Variants in ADAMTSL1 observed in about 807,000 individuals in gnomAD.
The protein encoded by ADAMTSL1 is ADAMTS like 1, also known as ADAMTS-like protein 1.
ADAMTSL1 carries 126 observed loss-of-function variants against 201.8 expected under a neutral mutation model. The ratio of observed to expected loss-of-function variants is 0.62; its 90% CI spans 0.54 to 0.72. The LOEUF (loss-of-function observed/expected upper bound fraction) is 0.72. Among genes scored for constraint, ADAMTSL1 ranks in the 30% least tolerant of loss-of-function variants. The probability of loss-of-function intolerance (pLI) is 0.00; values close to 1 mark genes in which losing one functional copy is unlikely to be tolerated. For missense variants in ADAMTSL1, 2,679 were observed against 2,277.8 expected, an observed-to-expected ratio of 1.18 and a Z score of -3.59; for synonymous variants, 1,121 against 903.4, an observed-to-expected ratio of 1.24 and a Z score of -4.32.
intron 2 of ADAMTSL1, among the ~76,000 whole-genome samples, chr9:18,297,570 C>CA (rs1455415194): frequency 1.3e-5 from 2 of 152,134 alleles, no homozygotes; most frequent in Admixed American, 1.3e-4. Context: ...GAATATGTGT[C>CA]AAAAAGGCTC....
At chr9:18,314,706 G>T (rs1029112370) in intron 2 of ADAMTSL1, among the ~76,000 whole-genome samples, 1 of 149,364 alleles carries the variant, frequency 6.7e-6, no homozygotes, top group African/African-American at 2.5e-5. Context: ...GGTTTATCTC[G>T]AAGAGCAAAA....
At chr9:18,851,048 T>A (rs1409153282) in intron 23 of ADAMTSL1, among the ~76,000 whole-genome samples, 2 of 152,264 alleles carry the variant, frequency 1.3e-5, no homozygotes, top group African/African-American at 4.8e-5. Context: ...TCATTCTCTT[T>A]CTCACTGTGG....
intron 2 of ADAMTSL1, among the ~76,000 whole-genome samples, chr9:18,234,961 C>T (rs1830784559): frequency 6.6e-6 from 1 of 152,086 alleles, no homozygotes; most frequent in Admixed American, 6.5e-5. Context: ...TTCCATATAC[C>T]TCACACTGAG....
At chr9:18,232,702 A>T (rs905512483) in intron 2 of ADAMTSL1, among the ~76,000 whole-genome samples, 2 of 152,126 alleles carry the variant, frequency 1.3e-5, no homozygotes, top group African/African-American at 2.4e-5. Flanking sequence ...ATTCTGACAA[A>T]TAGTAAATTT....
At chr9:18,460,290 G>C (rs753693769) in intron 2 of ADAMTSL1, among the ~76,000 whole-genome samples, 1 of 152,110 alleles carries the variant, frequency 6.6e-6, no homozygotes, top group Non-Finnish European at 1.5e-5. Context: ...TATAAATCTT[G>C]TCAAGATTTT....
intron 13 of ADAMTSL1, among the ~76,000 whole-genome samples, chr9:18,703,700 A>T (rs1832058341): frequency 9.6e-6 from 1 of 104,374 alleles, no homozygotes; most frequent in African/African-American, 3.7e-5. Context: ...ATGCGCACAT[A>T]CATATATATA....
chr9:18,494,557 C>G (rs1822434165), intron 1 of ADAMTSL1, among the ~76,000 whole-genome samples: 1 of 152,058 alleles, frequency 6.6e-6, no homozygotes, highest in South Asian at 2.1e-4. Flanking sequence ...CCTCACAGCA[C>G]CTGTGTTACT....
intron 1 of ADAMTSL1, among the ~76,000 whole-genome samples, chr9:18,143,106 G>A (rs943943633): frequency 6.6e-6 from 1 of 152,160 alleles, no homozygotes; most frequent in Non-Finnish European, 1.5e-5. Flanking sequence ...AGTGGAATTT[G>A]TTGGAGTTAA....
Position 18,504,839 on chromosome 9 carries a change from C to A in ADAMTSL1, c.74C>A (p.Thr25Asn). 6.2e-7 allele frequency: 1 copy of A among 1,614,222 alleles called. No homozygotes were observed. The highest frequency in any genetic ancestry group is 8.5e-7 in the Non-Finnish European group (1 of 1,180,048). Residue 25 changes from threonine to asparagine, a missense_variant, in exon 2 of 29, where the codon ACC (threonine) becomes AAC (asparagine). Thr to Asn is a moderately conservative substitution (Grantham distance 65). Transcript: ENST00000380548. ...FLAFLLLSSR[T>N]ARSEEDRDGL... is the part of the protein sequence containing the mutation. ...TTTTGTTTCTCACAGAGTTCCAGGA[C>A]CGCACGCTCCGAGGAGGACCGGGAC...
chr9:18,227,990 C>T (rs949466796), intron 2 of ADAMTSL1, among the ~76,000 whole-genome samples: 6 of 152,166 alleles, frequency 3.9e-5, no homozygotes, highest in African/African-American at 1.4e-4. Context: ...ACCATAGAAG[C>T]ATACTAGGCA....
chr9:18,121,206 C>T (rs187534118), intron 1 of ADAMTSL1, among the ~76,000 whole-genome samples: 8 of 152,224 alleles, frequency 5.3e-5, no homozygotes, highest in African/African-American at 1.9e-4. Context: ...TTCTTTTTCC[C>T]TCACCTAAAA....
At chr9:18,026,364 A>G (rs1198603712) in intron 1 of ADAMTSL1, among the ~76,000 whole-genome samples, 1 of 151,972 alleles carries the variant, frequency 6.6e-6, no homozygotes, top group African/African-American at 2.4e-5. Flanking sequence ...GGCTCATATT[A>G]TTTTGAAGCA....
chr9:17,957,488 G>T (rs1827975907), intron 1 of ADAMTSL1, among the ~76,000 whole-genome samples: 1 of 152,106 alleles, frequency 6.6e-6, no homozygotes, highest in African/African-American at 2.4e-5. Flanking sequence ...GCTTTTCCAT[G>T]ATCTCTACTG....
chr9:18,261,281 C>T lies in ADAMTSL1; in HGVS notation c.207+97300C>T, dbSNP rs567716302. On this transcript the variant is annotated intron_variant, in intron 2 of 29. Coordinates refer to the ADAMTSL1 transcript ENST00000680146. ...GAGAGGCCTTTTGTGCTTCATTTTG[C>T]TTGACACATTTTAAGGCCCTTAGAA... Among the ~76,000 whole-genome samples, 3 of 152,222 alleles carry T rather than the reference C, an allele frequency of 2.0e-5. No homozygotes were observed. The South Asian group carries it at 6.2e-4, about 32-fold the overall frequency.
chr9:18,482,084 A>G (rs946649488), intron 1 of ADAMTSL1, among the ~76,000 whole-genome samples: 5 of 152,268 alleles, frequency 3.3e-5, no homozygotes, highest in African/African-American at 1.2e-4. Context: ...CATTAGAATT[A>G]TACCTAAAGT....
intron 3 of ADAMTSL1, among the ~76,000 whole-genome samples, chr9:18,547,287 A>G (rs1264303232): frequency 1.3e-5 from 2 of 152,062 alleles, no homozygotes; most frequent in African/African-American, 4.8e-5. Flanking sequence ...CATCTATGCA[A>G]TCTATTAATA....
intron 2 of ADAMTSL1, among the ~76,000 whole-genome samples, chr9:18,179,878 C>T (rs1175684008): frequency 1.3e-5 from 2 of 152,012 alleles, no homozygotes; most frequent in Admixed American, 1.3e-4. Context: ...GAAGGAAGCG[C>T]TAAACATGGA....
intron 2 of ADAMTSL1, among the ~76,000 whole-genome samples, chr9:18,332,689 T>C (rs13292175): frequency 0.35 from 53,321 of 152,096 alleles, 10,487 homozygotes; most frequent in East Asian, 0.65. Flanking sequence ...TGTTGATAAC[T>C]ACACAGTTAT....
intron 19 of ADAMTSL1, among the ~76,000 whole-genome samples, chr9:18,792,905 GTTTGAC>G (rs952898381): frequency 3.3e-5 from 5 of 152,272 alleles, no homozygotes; most frequent in African/African-American, 7.2e-5. Context: ...ACATGTAATT[GTTTGAC>G]TTTGAGAAAA....
Sources: gnomAD v4.1 joint callset for allele counts (sites outside exome capture counted in the v4.1 genomes callset) on GRCh38, gnomAD v4.1.1 for gene constraint, MANE v1.5 for transcripts, NCBI Gene and HGNC (gene_info 2026-07-23, HGNC 2026-07-21) for gene names.